Variants in AUH observed in about 807,000 individuals in gnomAD.
AUH encodes the protein methylglutaconyl-CoA hydratase, mitochondrial.
A neutral mutation model predicts 42.3 loss-of-function variants in AUH; 29 were observed. The observed-to-expected ratio is 0.69, with a 90% CI of 0.51 to 0.93. The LOEUF (loss-of-function observed/expected upper bound fraction) is 0.93. AUH is among the 40% of genes least tolerant of loss of function. AUH has a pLI of 0.00. For synonymous variants in AUH, 174 were observed against 166.4 expected (o/e 1.05, Z -0.35); for missense variants, 452 against 438.1 (o/e 1.03, Z -0.28).
At chr9:91,347,346 C>G (rs192759268) in intron 3 of AUH, among the ~76,000 whole-genome samples, 3 of 152,132 alleles carry the variant, frequency 2.0e-5, no homozygotes, top group East Asian at 3.9e-4. Flanking sequence ...CATGAGCCAC[C>G]GTGCCTGGCT....
intron 6 of AUH, among the ~76,000 whole-genome samples, chr9:91,267,175 C>T (rs1204087771): frequency 6.6e-6 from 1 of 152,192 alleles, no homozygotes; most frequent in Non-Finnish European, 1.5e-5. Flanking sequence ...GGATAACTAA[C>T]ATGTGTATGG....
chr9:91,259,399 C>CTA (rs1367855477), intron 6 of AUH, among the ~76,000 whole-genome samples: 1 of 151,752 alleles, frequency 6.6e-6, no homozygotes, highest in Non-Finnish European at 1.5e-5. Flanking sequence ...CACCTCTGAC[C>CTA]TACCACCTTT....
intron 1 of AUH, among the ~76,000 whole-genome samples, chr9:91,361,083 TAA>T (rs1278080227): frequency 6.6e-6 from 1 of 152,038 alleles, no homozygotes; most frequent in East Asian, 1.9e-4. Flanking sequence ...CTGAGGAAAA[TAA>T]AAAGTGCTCA....
At chr9:91,218,314 T>C (rs965908742) in intron 7 of AUH, among the ~76,000 whole-genome samples, 5 of 152,258 alleles carry the variant, frequency 3.3e-5, no homozygotes, top group Non-Finnish European at 7.3e-5. Flanking sequence ...ATCTTATTGA[T>C]AATTCTTCCC....
chr9:91,253,506 C>T (rs1829247255), intron 6 of AUH, among the ~76,000 whole-genome samples: 1 of 152,202 alleles, frequency 6.6e-6, no homozygotes, highest in African/African-American at 2.4e-5. Flanking sequence ...ATTTCATGGG[C>T]CTAAGGCTGT....
intron 6 of AUH, among the ~76,000 whole-genome samples, chr9:91,274,887 T>C (rs923570864): frequency 1.3e-5 from 2 of 152,192 alleles, no homozygotes. Flanking sequence ...ACTTCCTTAG[T>C]AGTTCAAAAT....
chr9:91,228,860 A>G (rs1040093919), intron 6 of AUH, among the ~76,000 whole-genome samples: 3 of 152,306 alleles, frequency 2.0e-5, no homozygotes, highest in East Asian at 1.9e-4. Flanking sequence ...GTAGTTGAGC[A>G]GTTTTGAGTG....
At chr9:91,228,089 C>T (rs529970120) in intron 6 of AUH, among the ~76,000 whole-genome samples, 1 of 152,222 alleles carries the variant, frequency 6.6e-6, no homozygotes, top group South Asian at 2.1e-4. Context: ...GGGAGGATTC[C>T]CTCTTTTTCT....
At chr9:91,328,625 G>A (rs1164936631) in intron 3 of AUH, among the ~76,000 whole-genome samples, 1 of 152,166 alleles carries the variant, frequency 6.6e-6, no homozygotes, top group Non-Finnish European at 1.5e-5. Context: ...TTGAGGCCAA[G>A]ATCTCGGAGA....
At chr9:91,235,793 A>T (rs1235121730) in intron 6 of AUH, among the ~76,000 whole-genome samples, 2 of 152,210 alleles carry the variant, frequency 1.3e-5, no homozygotes, top group African/African-American at 4.8e-5. Flanking sequence ...CACTGAAATA[A>T]AGACATTCAG....
intron 3 of AUH, among the ~76,000 whole-genome samples, chr9:91,339,323 G>T (rs1830929165): frequency 6.6e-6 from 1 of 152,184 alleles, no homozygotes; most frequent in South Asian, 2.1e-4. Context: ...TTAAGTGAGG[G>T]ACTGTACTGT....
chr9:91,261,455 T>C (rs1460892844), intron 6 of AUH, among the ~76,000 whole-genome samples: 2 of 152,222 alleles, frequency 1.3e-5, no homozygotes, highest in African/African-American at 2.4e-5. Flanking sequence ...CCAGTTCACT[T>C]CTGTGTGAAC....
At chr9:91,277,176 A>G (rs1825611326) in intron 6 of AUH, among the ~76,000 whole-genome samples, 1 of 152,194 alleles carries the variant, frequency 6.6e-6, no homozygotes. Flanking sequence ...ATTTCCACAT[A>G]CCTTTTAAAA....
chr9:91,272,511 TG>T (rs1237532519), intron 6 of AUH, among the ~76,000 whole-genome samples: 1 of 152,254 alleles, frequency 6.6e-6, no homozygotes, highest in African/African-American at 2.4e-5. Context: ...CCAGCAGAAA[TG>T]GGAGCAGTGC....
Position 91,235,384 on chromosome 9 carries a change from T to C in AUH, c.656-14392A>G, listed in dbSNP as rs1478257888. ...CTGGGAGAAAGGAAAATCAATCTAA[T>C]GGCTAGATTTTTAGCCTGAGTGTGT... On this transcript the variant is annotated intron_variant, in intron 6 of 9. Transcript: ENST00000375731. Among the ~76,000 whole-genome samples, 3 of 152,144 alleles carry C rather than the reference T, an allele frequency of 2.0e-5. No individual in the cohort carries two copies. The East Asian group carries it at 5.8e-4, about 29-fold the overall frequency.
chr9:91,272,902 G>C (rs953240724), intron 6 of AUH, among the ~76,000 whole-genome samples: 2 of 152,196 alleles, frequency 1.3e-5, no homozygotes, highest in African/African-American at 4.8e-5. Context: ...AGAAATAGGA[G>C]AGCAAAATAC....
intron 3 of AUH, among the ~76,000 whole-genome samples, chr9:91,335,955 C>G (rs891052890): frequency 6.6e-6 from 1 of 152,104 alleles, no homozygotes; most frequent in African/African-American, 2.4e-5. Context: ...GAAACGAATG[C>G]CTAGCCATCA....
intron 4 of AUH, among the ~76,000 whole-genome samples, chr9:91,310,819 A>T (rs1036580723): frequency 9.2e-5 from 14 of 152,226 alleles, no homozygotes; most frequent in African/African-American, 3.4e-4. Flanking sequence ...ATACAAAGAT[A>T]GTTAGGCTAG....
chr9:91,281,459 G>A (rs975919779), intron 6 of AUH, among the ~76,000 whole-genome samples: 3 of 152,106 alleles, frequency 2.0e-5, no homozygotes, highest in Non-Finnish European at 2.9e-5. Context: ...CTGGAAGGCA[G>A]GAAAAAAATG....
Sources: allele counts gnomAD v4.1 joint callset (sites outside exome capture counted in the v4.1 genomes callset), GRCh38; gene constraint gnomAD v4.1.1; transcripts MANE v1.5; gene names NCBI Gene and HGNC (gene_info 2026-07-23, HGNC 2026-07-21).